Variants in DIP2C observed in about 807,000 individuals in gnomAD.
DIP2C encodes the protein DIP2 acetate--CoA ligase C (putative).
Under a neutral mutation model 192.4 loss-of-function variants are expected in DIP2C, and 33 were observed. The observed-to-expected ratio is 0.17, with a 90% confidence interval of 0.13 to 0.23. The LOEUF (loss-of-function observed/expected upper bound fraction) is 0.23, where lower values mean the gene tolerates loss of function less well. Ranked by LOEUF, DIP2C falls within the 10% of genes least tolerant of loss-of-function variation. DIP2C has a pLI of 1.00. For synonymous variants in DIP2C, 979 were observed against 864.1 expected (o/e 1.13, Z -2.33); for missense variants, 1,537 against 2,110.1 (o/e 0.73, Z 5.32).
chr10:638,425 G>C (rs1854953770), intron 1 of DIP2C, among the ~76,000 whole-genome samples: 1 of 152,128 alleles, frequency 6.6e-6, no homozygotes, highest in African/African-American at 2.4e-5. Context: ...TGCTTCAGTT[G>C]ACTCAAAAAA....
chr10:570,566 C>T (rs1849728875), intron 1 of DIP2C, among the ~76,000 whole-genome samples: 1 of 152,208 alleles, frequency 6.6e-6, no homozygotes, highest in Admixed American at 6.5e-5. Flanking sequence ...TCAGTACCTG[C>T]ACCCAACACT....
chr10:368,762 C>T lies in DIP2C; in HGVS notation c.2131+732G>A, dbSNP rs567420494. ...GCATGGCTACCCTGCTGGGCTTGAG[C>T]CCACACCCCATGCCTGGAGGGCTCA... On this transcript the variant is annotated intron_variant, in intron 18 of 36. Coordinates refer to ENST00000280886, the MANE Select transcript of DIP2C (RefSeq NM_014974.3). 1.3e-4 allele frequency among the ~76,000 whole-genome samples: 20 copies of T among 152,330 alleles called. No individual in the cohort carries two copies. The South Asian group carries it at 3.9e-3, about 30-fold the overall frequency.
At chr10:421,384 T>C (rs1232523696) in intron 5 of DIP2C, among the ~76,000 whole-genome samples, 1 of 152,204 alleles carries the variant, frequency 6.6e-6, no homozygotes. Flanking sequence ...TCCTTAAAAT[T>C]GAATAAAATC....
In DIP2C at chr10:326,600, C is replaced by T. The variant is rs1957282106; in HGVS notation, c.3924+406G>A. ...CTTTGCGGTTTCTAAAATGCCATTG[C>T]AGCAGCAAATCCCAGAACCTGCTCA... is the stretch of plus-strand genomic sequence containing the variant. On this transcript the variant is annotated intron_variant, in intron 31 of 36. Coordinates refer to ENST00000280886, the MANE Select transcript of DIP2C (RefSeq NM_014974.3). Among the ~76,000 whole-genome samples the T allele has an allele frequency of 4.6e-5, 7 of 152,226 alleles. No homozygotes were observed. In the South Asian group the frequency reaches 1.4e-3, roughly 31 times the overall value.
intron 31 of DIP2C, among the ~76,000 whole-genome samples, chr10:321,142 A>C (rs1956988537): frequency 6.6e-6 from 1 of 152,222 alleles, no homozygotes; most frequent in South Asian, 2.1e-4. Flanking sequence ...AGTAAAAACA[A>C]ACACCCAATG....
At position 386,597 on chromosome 10, in the gene DIP2C, G is replaced by C. The variant is rs142843687; in HGVS notation, c.1662+1148C>G. ...AGCATCCAGACTTGAGAGACGACCTGTGTGTAACACGGAAAGAAGCCAGCC... is the reference window on the plus strand; with the variant it reads ...AGCATCCAGACTTGAGAGACGACCTCTGTGTAACACGGAAAGAAGCCAGCC... On this transcript the variant is annotated intron_variant, in intron 14 of 36. Transcript: ENST00000280886. Among the ~76,000 whole-genome samples, 376 of 152,358 alleles carry C rather than the reference G, an allele frequency of 2.5e-3. 1 individual carries two copies. Among genetic ancestry groups the C allele is most frequent in the African/African-American group, 8.7e-3 (360 of 41,588 alleles).
At chr10:498,057 G>T (rs1460087988) in intron 1 of DIP2C, among the ~76,000 whole-genome samples, 11 of 152,082 alleles carry the variant, frequency 7.2e-5, no homozygotes, top group Admixed American at 7.2e-4. Flanking sequence ...TTTTTGTAGA[G>T]ATGGGGTCTT....
At chr10:646,824 A>G (rs1855478126) in intron 1 of DIP2C, among the ~76,000 whole-genome samples, 1 of 152,264 alleles carries the variant, frequency 6.6e-6, no homozygotes, top group African/African-American at 2.4e-5. Context: ...GGGCACACAC[A>G]GAGTGTGGAA....
intron 1 of DIP2C, among the ~76,000 whole-genome samples, chr10:511,616 G>A (rs1208036597): frequency 2.3e-5 from 3 of 128,320 alleles, no homozygotes; most frequent in African/African-American, 8.8e-5. Flanking sequence ...GGTGGGAGGT[G>A]GATCCCGACA....
intron 31 of DIP2C, among the ~76,000 whole-genome samples, chr10:321,301 T>C (rs1304567504): frequency 1.3e-5 from 2 of 152,258 alleles, no homozygotes; most frequent in Non-Finnish European, 2.9e-5. Context: ...CTTGAAATCC[T>C]GCAGTCATAA....
chr10:522,316 C>T (rs1846764727), intron 1 of DIP2C, among the ~76,000 whole-genome samples: 1 of 152,224 alleles, frequency 6.6e-6, no homozygotes, highest in East Asian at 1.9e-4. Flanking sequence ...ACAGTTTATC[C>T]ATTCACCTAC....
chr10:285,153 C>A (rs1258394714), intron 34 of DIP2C, among the ~76,000 whole-genome samples: 1,522 of 123,976 alleles, frequency 0.012, no homozygotes, highest in Non-Finnish European at 0.013. Flanking sequence ...AGTGAGGGGC[C>A]AAAAAAAAAA....
chr10:586,984 C>CA (rs1851081936), intron 1 of DIP2C, among the ~76,000 whole-genome samples: 8 of 151,970 alleles, frequency 5.3e-5, no homozygotes, highest in Admixed American at 5.2e-4. Flanking sequence ...CGGGTCCCCA[C>CA]TGACAGCATG....
At chr10:437,340 G>A (rs1276252655) in intron 4 of DIP2C, among the ~76,000 whole-genome samples, 1 of 150,478 alleles carries the variant, frequency 6.6e-6, no homozygotes, top group Non-Finnish European at 1.5e-5. Flanking sequence ...GACATGGTAG[G>A]GTGGCCATGC....
intron 10 of DIP2C, among the ~76,000 whole-genome samples, chr10:398,595 A>G (rs1388117920): frequency 6.6e-6 from 1 of 152,240 alleles, no homozygotes; most frequent in Non-Finnish European, 1.5e-5. Flanking sequence ...TTGGCAAAAT[A>G]AAATTCTAAA....
chr10:378,814 T>C (rs896640425), intron 17 of DIP2C, among the ~76,000 whole-genome samples: 1 of 42,288 alleles, frequency 2.4e-5, no homozygotes, highest in African/African-American at 1.2e-4. Context: ...AAGACACAAA[T>C]GAACAGACAT....
At chr10:547,302 C>T (rs529780957) in intron 1 of DIP2C, among the ~76,000 whole-genome samples, 4 of 152,320 alleles carry the variant, frequency 2.6e-5, no homozygotes, top group East Asian at 1.9e-4. Flanking sequence ...GAGAAGCATG[C>T]ACCCACACAT....
At chr10:331,894 T>A (rs1477059934) in intron 29 of DIP2C, among the ~76,000 whole-genome samples, 1 of 152,218 alleles carries the variant, frequency 6.6e-6, no homozygotes, top group Non-Finnish European at 1.5e-5. Flanking sequence ...GTAAAACATA[T>A]GTAACATAAC....
Position 464,821 on chromosome 10 carries a change from C to T in DIP2C, c.268+7618G>A, listed in dbSNP as rs553745110. On this transcript the variant is annotated intron_variant, in intron 3 of 36. Transcript: ENST00000280886. ...ATACATTCCTCGACACATACTCTCTCCCAAGACTAAACCAGGAAGAAGTTG... is the reference window on the plus strand; with the variant it reads ...ATACATTCCTCGACACATACTCTCTTCCAAGACTAAACCAGGAAGAAGTTG... Among the ~76,000 whole-genome samples the T allele has an allele frequency of 2.0e-5, 3 of 152,162 alleles. No homozygotes were observed. In the East Asian group the frequency reaches 5.8e-4, roughly 29 times the overall value.
Sources: gnomAD v4.1 joint callset for allele counts (sites outside exome capture counted in the v4.1 genomes callset) on GRCh38, gnomAD v4.1.1 for gene constraint, MANE v1.5 for transcripts, NCBI Gene and HGNC (gene_info 2026-07-23, HGNC 2026-07-21) for gene names.